The following TRAPPC9 variants were observed in gnomAD, a reference collection of about 807,000 sequenced individuals.
TRAPPC9 encodes the protein trafficking protein particle complex subunit 9.
A neutral mutation model predicts 124.0 loss-of-function variants in TRAPPC9; 83 were observed. That is an observed-to-expected ratio of 0.67 (90% CI 0.56 to 0.80). The LOEUF is 0.80. TRAPPC9 is among the 30% of genes least tolerant of loss of function. The pLI, the probability that TRAPPC9 is intolerant of heterozygous loss-of-function variation, is 0.00. For missense variants in TRAPPC9, 1,302 were observed against 1,508.3 expected, an observed-to-expected ratio of 0.86 and a Z score of 2.27; for synonymous variants, 638 against 617.5, an observed-to-expected ratio of 1.03 and a Z score of -0.49.
At chr8:140,191,004 C>A (rs1328155412) in intron 17 of TRAPPC9, among the ~76,000 whole-genome samples, 1 of 152,098 alleles carries the variant, frequency 6.6e-6, no homozygotes, top group African/African-American at 2.4e-5. Flanking sequence ...TCCCTGTTCT[C>A]AAATGAGAAG....
intron 19 of TRAPPC9, among the ~76,000 whole-genome samples, chr8:139,978,861 G>A (rs1375935924): frequency 6.6e-6 from 1 of 152,082 alleles, no homozygotes; most frequent in Admixed American, 6.5e-5. Context: ...AACCAGTGGA[G>A]CTGGGATCGC....
rs199231 is a variant in TRAPPC9, at chr8:139,729,611, C to T, written c.*1450G>A. Reference sequence around the variant, plus strand: ...GCTCCCATCATTCACTGAGCGACAACAGGAGGCCACAGATGGAACAAAAAA... The same window carrying T: ...GCTCCCATCATTCACTGAGCGACAATAGGAGGCCACAGATGGAACAAAAAA... On this transcript the variant is annotated 3_prime_UTR_variant, in exon 23 of 23. Transcript: ENST00000438773. 0.19 allele frequency among the ~76,000 whole-genome samples: 28,962 copies of T among 152,236 alleles called. 3,070 individuals are homozygous for T. Among genetic ancestry groups the T allele is most frequent in the African/African-American group, 0.29 (11,955 of 41,524 alleles).
intron 20 of TRAPPC9, among the ~76,000 whole-genome samples, chr8:139,898,807 G>GA (rs1408638558): frequency 6.6e-6 from 1 of 151,992 alleles, no homozygotes. Context: ...GGCTTGAAGA[G>GA]AAAAAAATAC....
At chr8:139,843,611 A>T (rs555887401) in intron 21 of TRAPPC9, among the ~76,000 whole-genome samples, 1 of 152,184 alleles carries the variant, frequency 6.6e-6, no homozygotes, top group Non-Finnish European at 1.5e-5. Context: ...TTAAAAGTGA[A>T]AGAGAGAGGT....
At chr8:139,972,989 G>A (rs2614724) in intron 19 of TRAPPC9, among the ~76,000 whole-genome samples, 132,753 of 152,118 alleles carry the variant, frequency 0.87, 58,137 homozygotes, top group East Asian at 0.98. Flanking sequence ...GGACGACCAC[G>A]TTCTCATTCC....
chr8:139,853,919 T>C (rs1162045982), intron 21 of TRAPPC9, among the ~76,000 whole-genome samples: 1 of 152,254 alleles, frequency 6.6e-6, no homozygotes, highest in African/African-American at 2.4e-5. Context: ...ACTACCTACA[T>C]ATGTGTAGTT....
At chr8:139,757,881 C>G (rs577600597) in intron 21 of TRAPPC9, among the ~76,000 whole-genome samples, 1 of 152,170 alleles carries the variant, frequency 6.6e-6, no homozygotes, top group Non-Finnish European at 1.5e-5. Context: ...ACGGCAAGGA[C>G]GCTTTCTGCT....
intron 19 of TRAPPC9, among the ~76,000 whole-genome samples, chr8:139,943,644 C>T (rs1440621301): frequency 1.3e-5 from 2 of 152,112 alleles, no homozygotes; most frequent in Non-Finnish European, 2.9e-5. Flanking sequence ...AACTATACTC[C>T]AGAACATTAT....
chr8:140,403,646 T>C (rs2069360259), intron 6 of TRAPPC9, among the ~76,000 whole-genome samples: 1 of 146,764 alleles, frequency 6.8e-6, no homozygotes, highest in Non-Finnish European at 1.5e-5. Flanking sequence ...TATATAACAC[T>C]TTAAGAAAAG....
intron 9 of TRAPPC9, among the ~76,000 whole-genome samples, chr8:140,359,646 A>G (rs1259778395): frequency 2.6e-5 from 4 of 152,148 alleles, no homozygotes; most frequent in Admixed American, 6.5e-5. Context: ...AGCGGTGGCC[A>G]CTTGGTGAGA....
chr8:140,215,757 A>T (rs1279418595), intron 17 of TRAPPC9, among the ~76,000 whole-genome samples: 1 of 152,036 alleles, frequency 6.6e-6, no homozygotes, highest in Non-Finnish European at 1.5e-5. Context: ...CTCACCTCAT[A>T]GGATATTTAC....
chr8:140,149,871 T>C (rs2061518425), intron 17 of TRAPPC9, among the ~76,000 whole-genome samples: 1 of 152,164 alleles, frequency 6.6e-6, no homozygotes, highest in Non-Finnish European at 1.5e-5. Context: ...GCTCTCTGTA[T>C]ATCATGCATA....
At chr8:140,012,708 G>A (rs544126770) in intron 18 of TRAPPC9, among the ~76,000 whole-genome samples, 4 of 152,114 alleles carry the variant, frequency 2.6e-5, no homozygotes, top group African/African-American at 2.4e-5. Flanking sequence ...CACCAAGCTC[G>A]TTCTTTCTTC....
intron 15 of TRAPPC9, among the ~76,000 whole-genome samples, chr8:140,254,076 G>A (rs1015011723): frequency 1.4e-4 from 22 of 152,158 alleles, no homozygotes; most frequent in Non-Finnish European, 4.4e-5. Flanking sequence ...AAGTAGCTGC[G>A]TCTCTCCACG....
At chr8:140,188,238 TAA>T (rs2131061471) in intron 17 of TRAPPC9, among the ~76,000 whole-genome samples, 1 of 152,328 alleles carries the variant, frequency 6.6e-6, no homozygotes, top group East Asian at 1.9e-4. Flanking sequence ...ATTTAAATTT[TAA>T]ACAATCCCTG....
chr8:140,098,029 C>T (rs1388808266), intron 17 of TRAPPC9: 1 of 151,924 alleles, frequency 6.6e-6, no homozygotes, highest in Non-Finnish European at 1.5e-5. Flanking sequence ...GGTAGTGTCA[C>T]CCAGGTAGCT....
chr8:139,780,455 G>A (rs1173829892), intron 21 of TRAPPC9, among the ~76,000 whole-genome samples: 2 of 152,136 alleles, frequency 1.3e-5, no homozygotes. Flanking sequence ...AAATGGTGCT[G>A]GAACAACTGG....
At chr8:140,195,201 A>C (rs1407074480) in intron 17 of TRAPPC9, among the ~76,000 whole-genome samples, 4 of 146,334 alleles carry the variant, frequency 2.7e-5, no homozygotes, top group Admixed American at 6.8e-5. Flanking sequence ...ATACCTGTGA[A>C]ACTAAAACAC....
intron 1 of TRAPPC9, among the ~76,000 whole-genome samples, chr8:140,452,419 C>CAAAAAAAAAAAAAAAAAAAAAGAAAAAA: frequency 2.5e-5 from 1 of 40,454 alleles, no homozygotes; most frequent in Non-Finnish European, 5.7e-5. Context: ...GACTGCATCT[C>CAAAAAAAAAAAAAAAAAAAAAGAAAAAA]AAAAAAAAAA....
Sources: allele counts gnomAD v4.1 joint callset (sites outside exome capture counted in the v4.1 genomes callset), GRCh38; gene constraint gnomAD v4.1.1; transcripts MANE v1.5; gene names NCBI Gene and HGNC (gene_info 2026-07-23, HGNC 2026-07-21).